Variants in FAT3 observed in about 807,000 individuals in gnomAD.
FAT3 encodes protocadherin Fat 3.
Under a neutral mutation model 310.2 loss-of-function variants are expected in FAT3, and 95 were observed. The observed-to-expected ratio is 0.31, with a 90% CI of 0.26 to 0.36. FAT3 has a LOEUF of 0.36. Among genes scored for constraint, FAT3 ranks in the 10% least tolerant of loss-of-function variants. The probability of loss-of-function intolerance (pLI) is 1.00; values close to 1 mark genes in which losing one functional copy is unlikely to be tolerated. For missense variants in FAT3, 5,408 were observed against 5,715.6 expected, an observed-to-expected ratio of 0.95 and a Z score of 1.74; for synonymous variants, 2,314 against 2,192.9, an observed-to-expected ratio of 1.06 and a Z score of -1.54.
intron 1 of FAT3, among the ~76,000 whole-genome samples, chr11:92,304,157 C>T (rs1389981289): frequency 6.6e-6 from 1 of 152,052 alleles, no homozygotes; most frequent in African/African-American, 2.4e-5. Flanking sequence ...CAGTACACCT[C>T]TCCATGAGTG....
chr11:92,656,860 G>A (rs1176018082), intron 3 of FAT3, among the ~76,000 whole-genome samples: 1 of 152,088 alleles, frequency 6.6e-6, no homozygotes, highest in Non-Finnish European at 1.5e-5. Context: ...TTCATAAAAT[G>A]TCTTTTACCA....
At chr11:92,620,811 C>T (rs1288477412) in intron 3 of FAT3, among the ~76,000 whole-genome samples, 3 of 152,084 alleles carry the variant, frequency 2.0e-5, no homozygotes, top group Admixed American at 1.3e-4. Flanking sequence ...ACATTTATTT[C>T]TCACCATTTA....
chr11:92,882,626 C>A, intron 23 of FAT3, 112 bp from the exon 24 acceptor site: 8 of 625,508 alleles, frequency 1.3e-5, no homozygotes, highest in Non-Finnish European at 1.7e-5. Flanking sequence ...TTCATCTGTA[C>A]CCTTTAGGTG....
chr11:92,293,287 C>T (rs1227148107), intron 1 of FAT3, among the ~76,000 whole-genome samples: 2 of 151,504 alleles, frequency 1.3e-5, no homozygotes, highest in East Asian at 3.9e-4. Flanking sequence ...ACTCTCTTAC[C>T]TTCTGCTGGG....
chr11:92,594,197 C>T (rs1939586249), intron 3 of FAT3, among the ~76,000 whole-genome samples: 1 of 152,208 alleles, frequency 6.6e-6, no homozygotes, highest in South Asian at 2.1e-4. Context: ...AATCCCAGTA[C>T]TTTGGGAGGC....
chr11:92,411,290 G>T (rs1591249437), intron 2 of FAT3, among the ~76,000 whole-genome samples: 1 of 151,308 alleles, frequency 6.6e-6, no homozygotes, highest in Non-Finnish European at 1.5e-5. Context: ...AGTGTCACCT[G>T]CTAGGCATTG....
chr11:92,448,237 G>T (rs895799792), intron 2 of FAT3, among the ~76,000 whole-genome samples: 1 of 152,162 alleles, frequency 6.6e-6, no homozygotes, highest in Non-Finnish European at 1.5e-5. Flanking sequence ...ACTGTTAGCT[G>T]TCATAATCTA....
intron 6 of FAT3, among the ~76,000 whole-genome samples, chr11:92,770,760 G>A (rs1392270354): frequency 6.6e-6 from 1 of 152,172 alleles, no homozygotes; most frequent in Non-Finnish European, 1.5e-5. Flanking sequence ...GAGGGACAGA[G>A]GTGCTTCGTA....
At chr11:92,390,626 T>A (rs1949727272) in intron 2 of FAT3, among the ~76,000 whole-genome samples, 1 of 152,098 alleles carries the variant, frequency 6.6e-6, no homozygotes, top group African/African-American at 2.4e-5. Context: ...GCATTCTCCT[T>A]TTTCTATAAG....
intron 7 of FAT3, among the ~76,000 whole-genome samples, chr11:92,782,237 G>A (rs865970263): frequency 3.2e-4 from 48 of 152,202 alleles, no homozygotes; most frequent in African/African-American, 9.9e-4. Context: ...GAGGCAGAAG[G>A]ATCACTTGAG....
At chr11:92,509,743 C>T (rs1207127571) in intron 2 of FAT3, among the ~76,000 whole-genome samples, 1 of 152,106 alleles carries the variant, frequency 6.6e-6, no homozygotes. Context: ...GTAAAAACTG[C>T]AGTTACTTTT....
At chr11:92,754,716 A>C (rs1198738950) in intron 4 of FAT3, among the ~76,000 whole-genome samples, 1 of 150,508 alleles carries the variant, frequency 6.6e-6, no homozygotes, top group Non-Finnish European at 1.5e-5. Flanking sequence ...AAAAAAAAAA[A>C]AATTAGCTGG....
intron 1 of FAT3, among the ~76,000 whole-genome samples, chr11:92,290,674 G>T (rs2134392726): frequency 6.6e-6 from 1 of 151,854 alleles, no homozygotes; most frequent in Non-Finnish European, 1.5e-5. Context: ...TGAGGCAGGA[G>T]AATCGCTTGA....
At chr11:92,387,291 A>T (rs1281605354) in intron 2 of FAT3, among the ~76,000 whole-genome samples, 1 of 152,142 alleles carries the variant, frequency 6.6e-6, no homozygotes, top group African/African-American at 2.4e-5. Context: ...AGCTGCAGAG[A>T]GGCACGAAGG....
chr11:92,309,054 C>T (rs1947218238), intron 1 of FAT3, among the ~76,000 whole-genome samples: 1 of 152,068 alleles, frequency 6.6e-6, no homozygotes, highest in South Asian at 2.1e-4. Context: ...AAATGAAATC[C>T]AGGAGCCCAC....
chr11:92,547,299 G>T (rs544578257), intron 3 of FAT3, among the ~76,000 whole-genome samples: 1 of 152,242 alleles, frequency 6.6e-6, no homozygotes, highest in East Asian at 1.9e-4. Context: ...ACTCTACAAA[G>T]TACTGTTTTC....
intron 1 of FAT3, among the ~76,000 whole-genome samples, chr11:92,228,437 A>G (rs1864016531): frequency 6.6e-6 from 1 of 152,116 alleles, no homozygotes; most frequent in South Asian, 2.1e-4. Context: ...CTATACGGTT[A>G]TTTTGCTAGC....
At chr11:92,336,563 A>C (rs1948090661) in intron 1 of FAT3, 1 of 164,704 alleles carries the variant, frequency 6.1e-6, no homozygotes. Context: ...ACAGATGATA[A>C]AGATTTGATG....
At chr11:92,722,474 C>T (rs1205805484) in intron 4 of FAT3, among the ~76,000 whole-genome samples, 1 of 152,188 alleles carries the variant, frequency 6.6e-6, no homozygotes, top group Non-Finnish European at 1.5e-5. Flanking sequence ...TGAGTATCTG[C>T]AGCTTTTCCA....
Sources: allele counts gnomAD v4.1 joint callset (sites outside exome capture counted in the v4.1 genomes callset), GRCh38; gene constraint gnomAD v4.1.1; transcripts MANE v1.5; gene names NCBI Gene and HGNC (gene_info 2026-07-23, HGNC 2026-07-21).